Variants in CTNNA3 observed in about 807,000 individuals in gnomAD.
CTNNA3 encodes the protein catenin alpha 3.
Under a neutral mutation model 95.7 loss-of-function variants are expected in CTNNA3, and 76 were observed. That is an observed-to-expected ratio of 0.79 (90% CI 0.66 to 0.96). The LOEUF is 0.96. Ranked by LOEUF, CTNNA3 falls within the 40% of genes least tolerant of loss-of-function variation. The pLI, the probability that CTNNA3 is intolerant of heterozygous loss-of-function variation, is 0.00. For synonymous variants in CTNNA3, 431 were observed against 374.4 expected (o/e 1.15, Z -1.74); for missense variants, 1,191 against 1,089.8 (o/e 1.09, Z -1.31).
intron 5 of CTNNA3, among the ~76,000 whole-genome samples, chr10:67,405,650 A>T (rs1845114447): frequency 6.6e-6 from 1 of 152,192 alleles, no homozygotes; most frequent in African/African-American, 2.4e-5. Flanking sequence ...TCATCAAGAC[A>T]GAAAATTAAC....
At chr10:65,954,518 A>T (rs1217704053) in intron 17 of CTNNA3, among the ~76,000 whole-genome samples, 1 of 152,152 alleles carries the variant, frequency 6.6e-6, no homozygotes, top group Non-Finnish European at 1.5e-5. Flanking sequence ...TTACGGTTTT[A>T]GGTCTAACAT....
intron 13 of CTNNA3, among the ~76,000 whole-genome samples, chr10:66,142,420 A>G (rs1424444357): frequency 7.9e-5 from 12 of 152,102 alleles, no homozygotes. Flanking sequence ...GCTTTATGGT[A>G]AGTCTTGAAC....
chr10:66,472,844 C>G (rs1173269754), intron 11 of CTNNA3, among the ~76,000 whole-genome samples: 1 of 151,858 alleles, frequency 6.6e-6, no homozygotes, highest in Non-Finnish European at 1.5e-5. Flanking sequence ...GTGGTAGTAA[C>G]TCATGTAATT....
In CTNNA3 at chr10:67,579,578, G is replaced by A. The variant is rs201369884; in HGVS notation, c.292+27279C>T. On this transcript the variant is annotated intron_variant, in intron 3 of 17. Transcript: ENST00000433211. ...CTTTGGGTATATACCCAGTAATGGGGTCACTGGGTCAAATGGTATTTCTAG... is the reference window on the plus strand; with the variant it reads ...CTTTGGGTATATACCCAGTAATGGGATCACTGGGTCAAATGGTATTTCTAG... Among the ~76,000 whole-genome samples, 800 of 151,992 alleles carry A rather than the reference G, an allele frequency of 5.3e-3. 16 individuals carry two copies. In the East Asian group the frequency reaches 0.056, roughly 11 times the overall value.
chr10:67,245,310 A>G (rs907458744), intron 5 of CTNNA3, among the ~76,000 whole-genome samples: 10 of 151,902 alleles, frequency 6.6e-5, no homozygotes, highest in African/African-American at 1.7e-4. Context: ...AACAATTCCA[A>G]CCTCAATATG....
intron 12 of CTNNA3, among the ~76,000 whole-genome samples, chr10:66,371,291 T>C (rs1025211868): frequency 6.6e-6 from 1 of 152,166 alleles, no homozygotes; most frequent in Non-Finnish European, 1.5e-5. Flanking sequence ...GACTCCTTTA[T>C]ACTTTTACAT....
chr10:67,020,554 A>AAAT (rs1361823202), intron 7 of CTNNA3, among the ~76,000 whole-genome samples: 1 of 152,188 alleles, frequency 6.6e-6, no homozygotes, highest in African/African-American at 2.4e-5. Flanking sequence ...ACCATTCAAC[A>AAAT]AATATTTACT....
intron 10 of CTNNA3, among the ~76,000 whole-genome samples, chr10:66,541,447 T>G (rs1841847924): frequency 6.6e-6 from 1 of 152,150 alleles, no homozygotes; most frequent in African/African-American, 2.4e-5. Flanking sequence ...CTTCCCTTCA[T>G]CTGAGCTACT....
chr10:66,781,012 T>A (rs1202860708), intron 7 of CTNNA3, among the ~76,000 whole-genome samples: 1 of 152,160 alleles, frequency 6.6e-6, no homozygotes, highest in Non-Finnish European at 1.5e-5. Flanking sequence ...AAAACATGTG[T>A]GTGTAATACG....
intron 3 of CTNNA3, among the ~76,000 whole-genome samples, chr10:67,568,873 C>T (rs1474985843): frequency 6.6e-6 from 1 of 152,114 alleles, no homozygotes; most frequent in Non-Finnish European, 1.5e-5. Context: ...ACTTCCATCT[C>T]TTACTATGTT....
Position 66,406,724 on chromosome 10 carries a change from A to T in CTNNA3, c.1532-27372T>A, listed in dbSNP as rs373999381. ...CAAATACCAATATATTAAGTGGTAT[A>T]GAGTTAGGATTACATCTGGACAATT... On this transcript the variant is annotated intron_variant, in intron 11 of 17. Coordinates refer to ENST00000433211, the MANE Select transcript of CTNNA3 (RefSeq NM_013266.4). 2.3e-4 allele frequency among the ~76,000 whole-genome samples: 35 copies of T among 152,296 alleles called. 1 individual carries two copies. In the South Asian group the frequency reaches 7.0e-3, roughly 31 times the overall value.
intron 7 of CTNNA3, among the ~76,000 whole-genome samples, chr10:67,031,738 T>C (rs1488216940): frequency 3.3e-5 from 5 of 152,176 alleles, no homozygotes. Context: ...GATAATGTAA[T>C]TCTTGTGTTA....
intron 7 of CTNNA3, among the ~76,000 whole-genome samples, chr10:67,016,021 C>T (rs1334605916): frequency 7.5e-6 from 1 of 133,930 alleles, no homozygotes; most frequent in Non-Finnish European, 1.7e-5. Flanking sequence ...GCTTTTATTG[C>T]TGTATACTCT....
chr10:66,435,086 G>A (rs138506281), intron 11 of CTNNA3, among the ~76,000 whole-genome samples: 2,463 of 152,098 alleles, frequency 0.016, 57 homozygotes, highest in African/African-American at 0.056. Context: ...TGTTCATCAC[G>A]GATATTGGCC....
chr10:67,509,332 C>G lies in CTNNA3; in HGVS notation c.579+12510G>C, dbSNP rs184535996. Among the ~76,000 whole-genome samples the G allele has an allele frequency of 2.8e-3, 430 of 152,004 alleles. 1 individual carries two copies. Among genetic ancestry groups the G allele is most frequent in the African/African-American group, 9.6e-3 (396 of 41,428 alleles). On this transcript the variant is annotated intron_variant, in intron 5 of 17. Transcript: ENST00000433211. ...CATTAGGTATTTCTCCTAATGCTAT[C>G]CCTCCCCCAGCCCTCCACCCACCGA...
At chr10:66,464,581 G>T (rs147785453) in intron 11 of CTNNA3, among the ~76,000 whole-genome samples, 11,376 of 151,910 alleles carry the variant, frequency 0.075, 733 homozygotes, top group East Asian at 0.24. Context: ...TGGCCAACAT[G>T]GTGAAACCCC....
At chr10:67,201,243 A>G (rs1164978735) in intron 6 of CTNNA3, among the ~76,000 whole-genome samples, 1 of 152,214 alleles carries the variant, frequency 6.6e-6, no homozygotes, top group Non-Finnish European at 1.5e-5. Flanking sequence ...TACCTCCTAT[A>G]ATGCAACTAC....
chr10:67,719,358 C>T (rs1049818822), intron 1 of CTNNA3, among the ~76,000 whole-genome samples: 1 of 151,772 alleles, frequency 6.6e-6, no homozygotes, highest in African/African-American at 2.4e-5. Flanking sequence ...AATTTGTTTG[C>T]TCTTGCTTCT....
chr10:66,302,615 T>C (rs1298683092), intron 12 of CTNNA3, among the ~76,000 whole-genome samples: 2 of 152,140 alleles, frequency 1.3e-5, no homozygotes, highest in South Asian at 2.1e-4. Flanking sequence ...CTTGCACCAA[T>C]GCTAATTAAT....
Sources: allele counts gnomAD v4.1 joint callset (sites outside exome capture counted in the v4.1 genomes callset), GRCh38; gene constraint gnomAD v4.1.1; transcripts MANE v1.5; gene names NCBI Gene and HGNC (gene_info 2026-07-23, HGNC 2026-07-21).